Variants in KLRG1 observed in about 807,000 individuals in gnomAD.
KLRG1 encodes the protein killer cell lectin like receptor G1, also known as killer cell lectin-like receptor subfamily G member 1.
A neutral mutation model predicts 21.8 loss-of-function variants in KLRG1; 16 were observed. The observed-to-expected ratio is 0.73, with a 90% CI of 0.50 to 1.11. The LOEUF is 1.11. Ranked by LOEUF, KLRG1 falls within the 50% of genes most tolerant of loss-of-function variation. KLRG1 has a pLI of 0.00. For missense variants in KLRG1, 173 were observed against 218.3 expected (o/e 0.79, Z 1.31); for synonymous variants, 69 against 75.9 (o/e 0.91, Z 0.47).
At chr12:9,069,796 A>G in the KLRG1 span, 9 of 1,613,350 alleles carry the variant, frequency 5.6e-6, no homozygotes, top group Admixed American at 1.7e-5. Flanking sequence ...TCCGGCTCAC[A>G]TGGTTAGATC....
chr12:8,972,490 T>G (rs1946587334), intron 1 of KLRG1, among the ~76,000 whole-genome samples: 2 of 152,264 alleles, frequency 1.3e-5, no homozygotes, highest in Non-Finnish European at 2.9e-5. Context: ...TGAATTTTTA[T>G]ATGGTGTGAG....
At chr12:9,156,207 G>T in the KLRG1 span, 1 of 207,700 alleles carries the variant, frequency 4.8e-6, no homozygotes, top group South Asian at 9.0e-5. Flanking sequence ...TCCTGCAAGT[G>T]ATTGTTCATG....
chr12:8,986,686 G>A (rs7296295), upstream of KLRG1, among the ~76,000 whole-genome samples: 51,053 of 151,656 alleles, frequency 0.34, 8,910 homozygotes, highest in Admixed American at 0.4. Context: ...TCTTCAAAGA[G>A]CCCCTGATTC....
chr12:9,191,634 G>A, the KLRG1 span, among the ~76,000 whole-genome samples: 1 of 152,010 alleles, frequency 6.6e-6, no homozygotes, highest in Non-Finnish European at 1.5e-5. Context: ...GTTTCCCTTA[G>A]TTTAGGTTAA....
At chr12:9,033,451 A>T in the KLRG1 span, among the ~76,000 whole-genome samples, 1 of 151,892 alleles carries the variant, frequency 6.6e-6, no homozygotes, top group African/African-American at 2.4e-5. Flanking sequence ...TAAAAAAAAA[A>T]AAGGGGATTA....
At chr12:9,002,894 TTC>T (rs757114883) in intron 3 of KLRG1, among the ~76,000 whole-genome samples, 2 of 127,842 alleles carry the variant, frequency 1.6e-5, no homozygotes, top group Non-Finnish European at 3.2e-5. Flanking sequence ...TGCTTCTATA[TTC>T]TCTCTCTTTC....
chr12:8,962,083 C>G (rs1343762300), intron 1 of KLRG1, among the ~76,000 whole-genome samples: 1 of 151,970 alleles, frequency 6.6e-6, no homozygotes, highest in Non-Finnish European at 1.5e-5. Context: ...GAGACCCCGT[C>G]TCTTGCCAGG....
the KLRG1 span, among the ~76,000 whole-genome samples, chr12:9,048,121 C>T: frequency 1.3e-5 from 2 of 152,010 alleles, no homozygotes; most frequent in Non-Finnish European, 1.5e-5. Context: ...TATCCTAGTT[C>T]CAAAACACAA....
the KLRG1 span, chr12:9,202,712 G>A: frequency 1.9e-6 from 3 of 1,603,748 alleles, no homozygotes. Context: ...TTTTACTACT[G>A]AGGAACTGTG....
chr12:9,169,631 C>G, the KLRG1 span: 1 of 1,514,360 alleles, frequency 6.6e-7, no homozygotes, highest in Non-Finnish European at 8.8e-7. Flanking sequence ...CTGTTACTTA[C>G]TTTTCTTTTG....
At chr12:9,022,264 G>T in the KLRG1 span, among the ~76,000 whole-genome samples, 1 of 152,188 alleles carries the variant, frequency 6.6e-6, no homozygotes, top group African/African-American at 2.4e-5. Context: ...CAGTGAGTTT[G>T]TTTGCACCTG....
At chr12:9,183,393 C>A in the KLRG1 span, among the ~76,000 whole-genome samples, 4 of 133,780 alleles carry the variant, frequency 3.0e-5, no homozygotes, top group African/African-American at 1.1e-4. Flanking sequence ...ATGTTGTACA[C>A]CTTAAATAAA....
chr12:9,137,003 C>T, the KLRG1 span, among the ~76,000 whole-genome samples: 7 of 152,134 alleles, frequency 4.6e-5, no homozygotes, highest in Middle Eastern at 3.4e-3. Context: ...GTTGATTATT[C>T]CTTTGCTTTG....
At chr12:9,018,848 C>G in the KLRG1 span, among the ~76,000 whole-genome samples, 5 of 152,124 alleles carry the variant, frequency 3.3e-5, no homozygotes. Context: ...ATTGAGGAAA[C>G]TCTCTAGGAC....
chr12:9,163,572 T>G, the KLRG1 span: 1 of 1,359,590 alleles, frequency 7.4e-7, no homozygotes, highest in Admixed American at 2.1e-5. Flanking sequence ...CAGGATGTAT[T>G]GTGTGAGCAT....
Position 9,009,040 on chromosome 12 carries a change from GA to G in KLRG1, c.424del (p.Arg142GlyfsTer8), listed in dbSNP as rs1947561771. 1.2e-6 allele frequency: 2 copies of G among 1,613,850 alleles called. No homozygotes were observed. Among genetic ancestry groups the G allele is most frequent in the East Asian group, 4.5e-5 (2 of 44,858 alleles). ...WIGLRNNSGW[R>X]WEDGSPLNFS... ...TTGGTCTGAGGAACAATTCTGGCTGGAGGTGGGAAGATGGATCACCTCTAAA... is the reference window on the plus strand; with the variant it reads ...TTGGTCTGAGGAACAATTCTGGCTGGGGTGGGAAGATGGATCACCTCTAAA... On this transcript the variant is annotated frameshift_variant, in exon 4 of 5. Transcript: ENST00000356986. LOFTEE classifies it low-confidence loss of function (END_TRUNC).
chr12:9,192,467 G>C, the KLRG1 span: 1 of 1,549,488 alleles, frequency 6.5e-7, no homozygotes, highest in Non-Finnish European at 8.9e-7. Flanking sequence ...GACCACTTTT[G>C]TCCTACTGAT....
intron 1 of KLRG1, among the ~76,000 whole-genome samples, chr12:8,981,987 C>G (rs1015517714): frequency 1.3e-5 from 2 of 151,988 alleles, no homozygotes; most frequent in African/African-American, 4.8e-5. Context: ...TGAAATGTAC[C>G]TCTTTATACT....
At chr12:9,132,703 C>A in the KLRG1 span, among the ~76,000 whole-genome samples, 1 of 152,028 alleles carries the variant, frequency 6.6e-6, no homozygotes. Flanking sequence ...TTCAAATGTA[C>A]GTGATGTGAC....
Sources: gnomAD v4.1 joint callset for allele counts (sites outside exome capture counted in the v4.1 genomes callset) on GRCh38, gnomAD v4.1.1 for gene constraint, MANE v1.5 for transcripts, NCBI Gene and HGNC (gene_info 2026-07-23, HGNC 2026-07-21) for gene names.